MAD1L1: variants seen among roughly 807,000 people sequenced by gnomAD.
MAD1L1 encodes the protein mitotic arrest deficient 1 like 1, also known as mitotic spindle assembly checkpoint protein MAD1.
Under a neutral mutation model 96.9 loss-of-function variants are expected in MAD1L1, and 95 were observed. The observed-to-expected ratio is 0.98, with a 90% CI of 0.83 to 1.16. MAD1L1 has a LOEUF of 1.16. Ranked by LOEUF, MAD1L1 falls within the 50% of genes most tolerant of loss-of-function variation. The pLI is 0.00. For synonymous variants in MAD1L1, 473 were observed against 396.6 expected (o/e 1.19, Z -2.29); for missense variants, 1,007 against 954.4 (o/e 1.06, Z -0.73).
At chr7:1,941,337 G>C (rs1349060507) in intron 16 of MAD1L1, among the ~76,000 whole-genome samples, 2 of 152,140 alleles carry the variant, frequency 1.3e-5, no homozygotes, top group Non-Finnish European at 2.9e-5. Context: ...ATCATCCTGG[G>C]ATGAGGTTTC....
intron 18 of MAD1L1, among the ~76,000 whole-genome samples, chr7:1,890,440 C>T (rs556168436): frequency 1.6e-4 from 24 of 152,346 alleles, no homozygotes; most frequent in African/African-American, 4.8e-4. Context: ...CCCAAGTGGG[C>T]GGTTCCTCTT....
intron 17 of MAD1L1, among the ~76,000 whole-genome samples, chr7:1,906,453 C>T (rs529228771): frequency 8.0e-4 from 122 of 152,358 alleles, no homozygotes; most frequent in Middle Eastern, 3.4e-3. Flanking sequence ...CCCAGCCCCG[C>T]CCCAGGGCCC....
chr7:2,227,134 A>C (rs1793943445), intron 3 of MAD1L1, among the ~76,000 whole-genome samples: 1 of 151,942 alleles, frequency 6.6e-6, no homozygotes. Context: ...TCTCTACTCA[A>C]AACTATGAAA....
chr7:1,925,767 G>A (rs531069773), intron 17 of MAD1L1, among the ~76,000 whole-genome samples: 2 of 152,334 alleles, frequency 1.3e-5, no homozygotes, highest in East Asian at 3.9e-4. Flanking sequence ...CAAAATGTGT[G>A]AAATGCTGCT....
At chr7:1,836,502 T>C (rs1193940188) in intron 18 of MAD1L1, among the ~76,000 whole-genome samples, 1 of 152,214 alleles carries the variant, frequency 6.6e-6, no homozygotes, top group Non-Finnish European at 1.5e-5. Flanking sequence ...TCAGTCTTAT[T>C]TCACCCAGTC....
intron 15 of MAD1L1, among the ~76,000 whole-genome samples, chr7:1,979,859 G>A (rs1355411290): frequency 1.3e-5 from 2 of 152,198 alleles, no homozygotes; most frequent in African/African-American, 2.4e-5. Context: ...CGGCTCCAGC[G>A]CCGCCCCCTG....
chr7:1,879,769 C>T (rs147071833), intron 18 of MAD1L1, among the ~76,000 whole-genome samples: 150 of 152,278 alleles, frequency 9.9e-4, no homozygotes, highest in Middle Eastern at 3.4e-3. Flanking sequence ...CTCACTCTGT[C>T]GCCCAAGCTG....
intron 17 of MAD1L1, among the ~76,000 whole-genome samples, chr7:1,928,671 G>T (rs1034849716): frequency 1.3e-5 from 2 of 152,238 alleles, no homozygotes; most frequent in African/African-American, 4.8e-5. Context: ...GAACCGCTCA[G>T]CTGTCGGCAT....
chr7:2,067,150 G>A (rs752356158), intron 12 of MAD1L1, among the ~76,000 whole-genome samples: 1 of 151,888 alleles, frequency 6.6e-6, no homozygotes, highest in Non-Finnish European at 1.5e-5. Context: ...GGTGCCACCC[G>A]AACACAGCAC....
At chr7:1,844,818 C>T (rs1351900863) in intron 18 of MAD1L1, among the ~76,000 whole-genome samples, 2 of 152,040 alleles carry the variant, frequency 1.3e-5, no homozygotes, top group Non-Finnish European at 2.9e-5. Context: ...GGGCTGTGGC[C>T]GTACCGTGCA....
chr7:2,206,509 C>T (rs190156354), intron 10 of MAD1L1, among the ~76,000 whole-genome samples: 10 of 152,316 alleles, frequency 6.6e-5, no homozygotes, highest in Admixed American at 6.5e-4. Context: ...ATCCTCACCA[C>T]GAAGAGCCTA....
intron 16 of MAD1L1, among the ~76,000 whole-genome samples, chr7:1,938,830 G>GAGGCGCGCACACACACACGGGCCA (rs1778763238): frequency 9.5e-6 from 1 of 105,792 alleles, no homozygotes; most frequent in Non-Finnish European, 1.9e-5. Context: ...GGCCAGGGCC[G>GAGGCGCGCACACACACACGGGCCA]GGGCCAGAGG....
chr7:1,976,606 G>A (rs189703871), intron 15 of MAD1L1, among the ~76,000 whole-genome samples: 1 of 152,214 alleles, frequency 6.6e-6, no homozygotes. Flanking sequence ...CGTGGAAGGG[G>A]ACCCCAGCGG....
intron 14 of MAD1L1, among the ~76,000 whole-genome samples, chr7:1,987,576 G>A (rs1781212357): frequency 6.6e-6 from 1 of 152,182 alleles, no homozygotes; most frequent in South Asian, 2.1e-4. Context: ...GGGGAGGGGG[G>A]GAGAGGCAGG....
At chr7:1,989,264 G>C (rs549081564) in intron 14 of MAD1L1, among the ~76,000 whole-genome samples, 2 of 152,248 alleles carry the variant, frequency 1.3e-5, no homozygotes, top group African/African-American at 2.4e-5. Flanking sequence ...CTAACGAAAC[G>C]TGGAAAATGG....
At chr7:1,851,220 C>T (rs546211478) in intron 18 of MAD1L1, among the ~76,000 whole-genome samples, 192 of 152,086 alleles carry the variant, frequency 1.3e-3, no homozygotes, top group Non-Finnish European at 2.0e-3. Context: ...CGGCCTCGGC[C>T]GGCACAGGGT....
intron 11 of MAD1L1, among the ~76,000 whole-genome samples, chr7:2,123,702 A>G (rs1028410143): frequency 2.0e-5 from 3 of 152,210 alleles, no homozygotes; most frequent in African/African-American, 7.2e-5. Context: ...AGCCTGTTTC[A>G]GAGTGCACTT....
chr7:1,941,432 A>T (rs144551302), intron 16 of MAD1L1, among the ~76,000 whole-genome samples: 1,980 of 152,364 alleles, frequency 0.013, 37 homozygotes, highest in African/African-American at 0.045. Context: ...AGTAGAGATG[A>T]AGGAAACCAA....
intron 18 of MAD1L1, among the ~76,000 whole-genome samples, chr7:1,875,090 A>T (rs1785312850): frequency 6.6e-6 from 1 of 152,144 alleles, no homozygotes. Flanking sequence ...GTCCCAATCC[A>T]GGTGAAGGTC....
Sources: gnomAD v4.1 joint callset for allele counts (sites outside exome capture counted in the v4.1 genomes callset) on GRCh38, gnomAD v4.1.1 for gene constraint, MANE v1.5 for transcripts, NCBI Gene and HGNC (gene_info 2026-07-23, HGNC 2026-07-21) for gene names.